The following PALLD variants were observed in gnomAD, a reference collection of about 807,000 sequenced individuals.
The protein encoded by PALLD is palladin.
PALLD carries 61 observed loss-of-function variants against 123.5 expected under a neutral mutation model. The observed-to-expected ratio is 0.49, with a 90% CI of 0.40 to 0.61. The LOEUF (loss-of-function observed/expected upper bound fraction) is 0.61, where lower values mean the gene tolerates loss of function less well. Ranked by LOEUF, PALLD falls within the 20% of genes least tolerant of loss-of-function variation. The pLI, the probability that PALLD is intolerant of heterozygous loss-of-function variation, is 0.00. For synonymous variants in PALLD, 465 were observed against 496.4 expected, an observed-to-expected ratio of 0.94 and a Z score of 0.84; for missense variants, 1,273 against 1,377.0, an observed-to-expected ratio of 0.92 and a Z score of 1.20.
intron 10 of PALLD, among the ~76,000 whole-genome samples, chr4:168,725,464 A>G (rs891654591): frequency 1.3e-5 from 2 of 152,102 alleles, no homozygotes; most frequent in East Asian, 3.9e-4. Flanking sequence ...AAAGACATAA[A>G]AGGTGGCTTG....
intron 1 of PALLD, among the ~76,000 whole-genome samples, chr4:168,497,481 A>T (rs1760869408): frequency 6.6e-6 from 1 of 152,208 alleles, no homozygotes; most frequent in Admixed American, 6.5e-5. Context: ...CAATTCCAAA[A>T]GGATTAAATG....
rs1762825061 is a variant in PALLD at position 168,928,387 on chromosome 4, G to T, written c.*2207G>T. 1 of 181,914 alleles carries T rather than the reference G, an allele frequency of 5.5e-6. No individual in the cohort carries two copies. The highest frequency in any genetic ancestry group is 1.2e-5 in the Non-Finnish European group (1 of 85,124). 11.3% of individuals were successfully genotyped at this position (181,914 alleles called of 1,614,324 possible). On this transcript the variant is annotated 3_prime_UTR_variant, in exon 22 of 22. Transcript: ENST00000505667. ...TGGATTGTTGTGCTGGTGTAATGTGGATTTAACATCAATAAATATTTGACA... is the reference window on the plus strand; with the variant it reads ...TGGATTGTTGTGCTGGTGTAATGTGTATTTAACATCAATAAATATTTGACA...
intron 10 of PALLD, among the ~76,000 whole-genome samples, chr4:168,825,345 C>T (rs953195400): frequency 6.6e-6 from 1 of 152,136 alleles, no homozygotes; most frequent in African/African-American, 2.4e-5. Flanking sequence ...AAGATATATA[C>T]TGCAAAATAA....
intron 10 of PALLD, among the ~76,000 whole-genome samples, chr4:168,845,122 G>A (rs767723812): frequency 2.1e-4 from 32 of 152,144 alleles, no homozygotes; most frequent in Non-Finnish European, 3.5e-4. Context: ...GAGAGGCACC[G>A]GAGCAGAGGA....
At chr4:168,620,648 G>T (rs1774681432) in intron 2 of PALLD, among the ~76,000 whole-genome samples, 1 of 152,118 alleles carries the variant, frequency 6.6e-6, no homozygotes, top group Non-Finnish European at 1.5e-5. Flanking sequence ...CAAGCCAGGG[G>T]ACAAAACACA....
At chr4:168,583,276 A>G (rs1770474562) in intron 2 of PALLD, among the ~76,000 whole-genome samples, 1 of 152,234 alleles carries the variant, frequency 6.6e-6, no homozygotes, top group South Asian at 2.1e-4. Context: ...ATGGATGAAT[A>G]AAGTGAAATA....
At chr4:168,558,111 C>T (rs778198499) in intron 2 of PALLD, among the ~76,000 whole-genome samples, 1 of 152,176 alleles carries the variant, frequency 6.6e-6, no homozygotes, top group Non-Finnish European at 1.5e-5. Flanking sequence ...ATCAGTTCCT[C>T]ATCTTCAGCC....
At position 168,735,000 on chromosome 4, in the gene PALLD, A is replaced by G. The variant is rs149268805; in HGVS notation, c.1964+23077A>G. On this transcript the variant is annotated intron_variant, in intron 10 of 21. Transcript: ENST00000505667. The stretch of plus-strand genomic sequence containing the variant: ...TAGTAGTAGTGTAGTAAGGATGGCA[A>G]TGTTCTGAAATGTCTACTTTTCTAT... Among the ~76,000 whole-genome samples the G allele has an allele frequency of 2.4e-4, 36 of 152,232 alleles. No individual in the cohort carries two copies. In the East Asian group the frequency reaches 6.0e-3, roughly 25 times the overall value.
intron 2 of PALLD, among the ~76,000 whole-genome samples, chr4:168,536,182 C>T (rs1765069683): frequency 6.6e-6 from 1 of 152,152 alleles, no homozygotes; most frequent in Non-Finnish European, 1.5e-5. Context: ...CCAAAAGACC[C>T]CTGACTTCTG....
intron 10 of PALLD, among the ~76,000 whole-genome samples, chr4:168,883,218 C>T (rs1752871394): frequency 6.6e-6 from 1 of 152,006 alleles, no homozygotes; most frequent in Admixed American, 6.6e-5. Context: ...GCTTAAGTTA[C>T]CCATTTTTTG....
At chr4:168,855,260 T>C (rs1176038883) in intron 10 of PALLD, among the ~76,000 whole-genome samples, 1 of 152,026 alleles carries the variant, frequency 6.6e-6, no homozygotes, top group Non-Finnish European at 1.5e-5. Flanking sequence ...CCAGCTAATT[T>C]TTGTATTTTT....
At chr4:168,843,504 A>T (rs554991944) in intron 10 of PALLD, among the ~76,000 whole-genome samples, 6 of 152,358 alleles carry the variant, frequency 3.9e-5, no homozygotes, top group Non-Finnish European at 8.8e-5. Flanking sequence ...TGCCGCAGTC[A>T]TAGTTGTAGC....
chr4:168,894,413 G>T, intron 11 of PALLD, 166 bp from the exon 12 acceptor site: 1 of 652,372 alleles, frequency 1.5e-6, no homozygotes, highest in Non-Finnish European at 2.8e-6. Context: ...AGGTAAAAAG[G>T]TAGAACAACT....
At chr4:168,670,688 G>C (rs1780128729) in intron 3 of PALLD, among the ~76,000 whole-genome samples, 1 of 144,340 alleles carries the variant, frequency 6.9e-6, no homozygotes, top group Non-Finnish European at 1.5e-5. Flanking sequence ...AGCCGAGATT[G>C]CGCCACTGCA....
intron 1 of PALLD, chr4:168,506,049 A>G (rs12647997): frequency 0.39 from 59,924 of 152,058 alleles, 12,696 homozygotes; most frequent in East Asian, 0.58. Flanking sequence ...CATATTTTCA[A>G]TGGCCTTGCC....
chr4:168,587,014 A>G (rs761101240), intron 2 of PALLD, among the ~76,000 whole-genome samples: 5 of 152,172 alleles, frequency 3.3e-5, no homozygotes, highest in Non-Finnish European at 5.9e-5. Flanking sequence ...GTCAATGCCT[A>G]GAGACATTTC....
intron 10 of PALLD, among the ~76,000 whole-genome samples, chr4:168,748,212 G>A (rs1479162386): frequency 6.6e-6 from 1 of 152,168 alleles, no homozygotes; most frequent in African/African-American, 2.4e-5. Context: ...GTCTAAAACT[G>A]TGGTCCTCCA....
intron 2 of PALLD, among the ~76,000 whole-genome samples, chr4:168,590,293 G>C (rs9996932): frequency 0.016 from 2,447 of 152,336 alleles, 61 homozygotes; most frequent in African/African-American, 0.056. Context: ...AGTTAGCCAA[G>C]ATTGCGCCAT....
intron 2 of PALLD, among the ~76,000 whole-genome samples, chr4:168,556,399 T>C (rs1767312693): frequency 6.6e-6 from 1 of 152,174 alleles, no homozygotes; most frequent in South Asian, 2.1e-4. Context: ...CCGGCCATAT[T>C]AATACCTTTT....
Sources: allele counts gnomAD v4.1 joint callset (sites outside exome capture counted in the v4.1 genomes callset), GRCh38; gene constraint gnomAD v4.1.1; transcripts MANE v1.5; gene names NCBI Gene and HGNC (gene_info 2026-07-23, HGNC 2026-07-21).